The following QPCT variants were observed in gnomAD, a reference collection of about 807,000 sequenced individuals.
The protein encoded by QPCT is EC.
Under a neutral mutation model 43.4 loss-of-function variants are expected in QPCT, and 44 were observed. The observed-to-expected ratio is 1.01, with a 90% confidence interval of 0.80 to 1.30. The LOEUF (loss-of-function observed/expected upper bound fraction) is 1.30. Among genes scored for constraint, QPCT ranks in the 50% most tolerant of loss-of-function variants. The pLI is 0.00. For missense variants in QPCT, 526 were observed against 436.5 expected, an observed-to-expected ratio of 1.21 and a Z score of -1.83; for synonymous variants, 168 against 168.4, an observed-to-expected ratio of 1.00 and a Z score of 0.02.
At chr2:37,347,178 TAAC>T (rs1309467806) in intron 1 of QPCT, among the ~76,000 whole-genome samples, 825 of 55,270 alleles carry the variant, frequency 0.015, 6 homozygotes, top group Non-Finnish European at 0.018. Flanking sequence ...TATATATATA[TAAC>T]ATATATATAT....
chr2:37,363,176 A>T (rs1410324786), intron 3 of QPCT, among the ~76,000 whole-genome samples: 1 of 152,226 alleles, frequency 6.6e-6, no homozygotes. Context: ...CCAGATGGTG[A>T]CATTCAGTAA....
At chr2:37,371,431 CA>C (rs3050580) in intron 5 of QPCT, among the ~76,000 whole-genome samples, 250 of 69,350 alleles carry the variant, frequency 3.6e-3, no homozygotes, top group South Asian at 0.022. Context: ...GACTCCATCT[CA>C]AAAAAAAAAA....
At chr2:37,345,194 C>T (rs534198141) in intron 1 of QPCT, among the ~76,000 whole-genome samples, 3 of 152,192 alleles carry the variant, frequency 2.0e-5, no homozygotes, top group Non-Finnish European at 2.9e-5. Context: ...CGCCACCCCC[C>T]ACTCGGGACC....
intron 1 of QPCT, among the ~76,000 whole-genome samples, chr2:37,348,895 A>T (rs1469020861): frequency 6.6e-6 from 1 of 152,210 alleles, no homozygotes; most frequent in Non-Finnish European, 1.5e-5. Flanking sequence ...ATTGGGCTCA[A>T]CTTTGTTTTT....
At chr2:37,352,546 G>C (rs1672643087) in intron 1 of QPCT, among the ~76,000 whole-genome samples, 1 of 152,022 alleles carries the variant, frequency 6.6e-6, no homozygotes, top group Non-Finnish European at 1.5e-5. Flanking sequence ...TGCCAGGGCT[G>C]GTCTCAAATT....
chr2:37,358,662 G>GT (rs1480259003), intron 2 of QPCT: 4 of 152,240 alleles, frequency 2.6e-5, no homozygotes, highest in Non-Finnish European at 5.9e-5. Context: ...GTCAGTCACT[G>GT]TGTTGCCTTA....
At chr2:37,353,206 C>A (rs916757757) in intron 2 of QPCT, among the ~76,000 whole-genome samples, 2 of 152,108 alleles carry the variant, frequency 1.3e-5, no homozygotes, top group African/African-American at 4.8e-5. Context: ...AATAGCACAC[C>A]CCGAGGCTCC....
In QPCT at chr2:37,367,243, C is replaced by A; in HGVS notation, c.558C>A (p.Asp186Glu). ...GTTGTTTTTACCAGACTGTTTCAGA[C>A]TCCAAGCCAGATTTGTCACTCCAGC... ...KKLLSLKTVS[D>E]SKPDLSLQLI... Residue 186 changes from aspartate to glutamate, a missense_variant, in exon 4 of 7, where the codon GAC becomes GAA. Asp to Glu is a conservative substitution (Grantham distance 45). Transcript: ENST00000338415. The A allele has an allele frequency of 3.1e-6, 5 of 1,613,560 alleles. No individual in the cohort carries two copies. The highest frequency in any genetic ancestry group is 3.4e-6 in the Non-Finnish European group (4 of 1,179,700).
chr2:37,357,278 T>C (rs1186966876), intron 2 of QPCT, among the ~76,000 whole-genome samples: 1 of 151,370 alleles, frequency 6.6e-6, no homozygotes, highest in African/African-American at 2.4e-5. Flanking sequence ...TTCTGGAGTA[T>C]ATGCTTTTTT....
At chr2:37,359,261 A>C (rs1672812949) in intron 2 of QPCT, among the ~76,000 whole-genome samples, 1 of 152,208 alleles carries the variant, frequency 6.6e-6, no homozygotes, top group Non-Finnish European at 1.5e-5. Flanking sequence ...GTAGGTTTGC[A>C]TAAGCAAGGA....
At chr2:37,357,898 A>G (rs544852008) in intron 2 of QPCT, among the ~76,000 whole-genome samples, 43 of 152,198 alleles carry the variant, frequency 2.8e-4, no homozygotes, top group Admixed American at 7.2e-4. Flanking sequence ...AAAAAATAAA[A>G]GCCCTCACAT....
At chr2:37,369,902 A>G (rs1673040055) in intron 5 of QPCT, 118 bp downstream of exon 5, 4 of 940,430 alleles carry the variant, frequency 4.3e-6, no homozygotes, top group East Asian at 2.6e-5. Context: ...CTGTAATCCT[A>G]GCACTTTGGG....
At chr2:37,354,792 C>G (rs1234695040) in intron 2 of QPCT, among the ~76,000 whole-genome samples, 1 of 152,098 alleles carries the variant, frequency 6.6e-6, no homozygotes, top group Non-Finnish European at 1.5e-5. Context: ...AAATCTAGGT[C>G]TGTGATGCTT....
intron 2 of QPCT, among the ~76,000 whole-genome samples, chr2:37,357,497 T>C (rs1387539189): frequency 6.6e-6 from 1 of 152,218 alleles, no homozygotes; most frequent in South Asian, 2.1e-4. Context: ...ACTGATAGCC[T>C]ACTGTGAGCA....
chr2:37,359,334 G>C (rs1248967767), intron 2 of QPCT, among the ~76,000 whole-genome samples: 1 of 152,194 alleles, frequency 6.6e-6, no homozygotes, highest in African/African-American at 2.4e-5. Context: ...AATTGGTTGA[G>C]ATTGATTAGT....
At position 37,347,556 on chromosome 2, in the gene QPCT, T is replaced by C. The variant is rs531487797; in HGVS notation, c.120+2705T>C. Reference sequence around the variant, plus strand: ...GGTCAGGGTGGACCCTAAATGGCATTCTAAAACAGGTAGTTTGGTTTTGGT... The same window carrying C: ...GGTCAGGGTGGACCCTAAATGGCATCCTAAAACAGGTAGTTTGGTTTTGGT... On this transcript the variant is annotated intron_variant, in intron 1 of 6. Coordinates refer to ENST00000338415, the MANE Select transcript of QPCT (RefSeq NM_012413.4). Among the ~76,000 whole-genome samples, 20 of 152,092 alleles carry C rather than the reference T, an allele frequency of 1.3e-4. No homozygotes were observed. The South Asian group carries it at 4.2e-3, about 32-fold the overall frequency.
At chr2:37,370,811 C>G (rs1673056916) in intron 5 of QPCT, among the ~76,000 whole-genome samples, 1 of 152,040 alleles carries the variant, frequency 6.6e-6, no homozygotes, top group Non-Finnish European at 1.5e-5. Context: ...ACCACCCTAC[C>G]CAAAACAAAA....
At chr2:37,365,546 G>T (rs939802937) in intron 3 of QPCT, among the ~76,000 whole-genome samples, 1 of 152,226 alleles carries the variant, frequency 6.6e-6, no homozygotes, top group African/African-American at 2.4e-5. Flanking sequence ...TTGGGCAGTA[G>T]ATGGTGGAGA....
At chr2:37,349,412 G>C (rs1218775186) in intron 1 of QPCT, among the ~76,000 whole-genome samples, 1 of 152,222 alleles carries the variant, frequency 6.6e-6, no homozygotes, top group African/African-American at 2.4e-5. Flanking sequence ...TGTAGTTAAA[G>C]ATGCTTGGGG....
Sources: allele counts gnomAD v4.1 joint callset (sites outside exome capture counted in the v4.1 genomes callset), GRCh38; gene constraint gnomAD v4.1.1; transcripts MANE v1.5; gene names NCBI Gene and HGNC (gene_info 2026-07-23, HGNC 2026-07-21).